REDIC1: variants seen among roughly 807,000 people sequenced by gnomAD.
The protein encoded by REDIC1 is HEI10 Interacting Protein 1.
At chr12:39,767,800 G>C in the REDIC1 span, among the ~76,000 whole-genome samples, 1 of 152,186 alleles carries the variant, frequency 6.6e-6, no homozygotes, top group African/African-American at 2.4e-5. Context: ...GAGTTCTCAT[G>C]AGATCTGAAG....
chr12:39,701,045 C>A, the REDIC1 span, among the ~76,000 whole-genome samples: 3 of 151,706 alleles, frequency 2.0e-5, no homozygotes, highest in Non-Finnish European at 2.9e-5. Context: ...GCAAAATCAC[C>A]AGCTAACATC....
chr12:39,797,135 T>C, the REDIC1 span, among the ~76,000 whole-genome samples: 6 of 152,334 alleles, frequency 3.9e-5, no homozygotes, highest in African/African-American at 1.4e-4. Flanking sequence ...ATTCATTTTG[T>C]TATTTGTAAA....
the REDIC1 span, among the ~76,000 whole-genome samples, chr12:39,822,142 T>A: frequency 6.8e-6 from 1 of 146,742 alleles, no homozygotes; most frequent in Non-Finnish European, 1.5e-5. Context: ...ATTGTTCAAT[T>A]CCCACCTATG....
the REDIC1 span, among the ~76,000 whole-genome samples, chr12:39,843,489 T>C: frequency 6.6e-6 from 1 of 152,068 alleles, no homozygotes; most frequent in Non-Finnish European, 1.5e-5. Flanking sequence ...TTGTGAAAGA[T>C]ATAAATAATG....
chr12:39,690,620 T>A, the REDIC1 span, among the ~76,000 whole-genome samples: 2 of 149,430 alleles, frequency 1.3e-5, no homozygotes, highest in African/African-American at 2.6e-5. Flanking sequence ...ATCAAATTAT[T>A]AAGAAAAAAT....
At chr12:39,714,021 A>T in the REDIC1 span, among the ~76,000 whole-genome samples, 1 of 141,744 alleles carries the variant, frequency 7.1e-6, no homozygotes, top group Non-Finnish European at 1.6e-5. Context: ...ATACGTTTAT[A>T]TAAGTATATA....
chr12:39,694,368 G>C, the REDIC1 span, among the ~76,000 whole-genome samples: 2 of 152,172 alleles, frequency 1.3e-5, no homozygotes, highest in African/African-American at 4.8e-5. Context: ...TTGAGTCACT[G>C]ACGCCACCCT....
chr12:39,700,394 T>A, the REDIC1 span, among the ~76,000 whole-genome samples: 1 of 152,086 alleles, frequency 6.6e-6, no homozygotes, highest in East Asian at 1.9e-4. Context: ...GAAAAAAGAA[T>A]AAAAAGCAAC....
chr12:39,891,180 C>G, the REDIC1 span, among the ~76,000 whole-genome samples: 149 of 149,180 alleles, frequency 1.0e-3, no homozygotes, highest in African/African-American at 3.4e-3. Flanking sequence ...TCTGGGAAAC[C>G]TTCACCAGCT....
the REDIC1 span, among the ~76,000 whole-genome samples, chr12:39,803,238 A>C: frequency 2.6e-5 from 4 of 151,974 alleles, no homozygotes; most frequent in African/African-American, 9.7e-5. Flanking sequence ...TAGAAGGACA[A>C]GCTCTCAACA....
the REDIC1 span, among the ~76,000 whole-genome samples, chr12:39,660,172 T>C: frequency 6.6e-6 from 1 of 152,210 alleles, no homozygotes; most frequent in Non-Finnish European, 1.5e-5. Context: ...TTCACATGCA[T>C]GTGCCGGTTA....
At chr12:39,712,472 A>ATG in the REDIC1 span, among the ~76,000 whole-genome samples, 1 of 142,110 alleles carries the variant, frequency 7.0e-6, no homozygotes, top group African/African-American at 2.6e-5. Context: ...ACGTATGTAT[A>ATG]TATACATACA....
At chr12:39,777,651 T>G in the REDIC1 span, among the ~76,000 whole-genome samples, 3 of 151,796 alleles carry the variant, frequency 2.0e-5, no homozygotes, top group African/African-American at 7.2e-5. Flanking sequence ...GACACACAGG[T>G]GGCTGGATGT....
chr12:39,810,937 T>C, the REDIC1 span, among the ~76,000 whole-genome samples: 1 of 152,144 alleles, frequency 6.6e-6, no homozygotes, highest in African/African-American at 2.4e-5. Flanking sequence ...AAAACCAACC[T>C]TATAAAATGA....
the REDIC1 span, among the ~76,000 whole-genome samples, chr12:39,666,605 C>G: frequency 2.0e-5 from 3 of 152,192 alleles, no homozygotes; most frequent in African/African-American, 4.8e-5. Context: ...AGGATTCCCT[C>G]TTTTTCTACT....
chr12:39,860,202 C>A, the REDIC1 span, among the ~76,000 whole-genome samples: 5 of 152,060 alleles, frequency 3.3e-5, no homozygotes, highest in South Asian at 2.1e-4. Context: ...CTTATTTGGA[C>A]CTCAGTAAGG....
At chr12:39,771,099 G>C in the REDIC1 span, among the ~76,000 whole-genome samples, 1 of 152,106 alleles carries the variant, frequency 6.6e-6, no homozygotes, top group Non-Finnish European at 1.5e-5. Flanking sequence ...TCTTGAATCT[G>C]ACTTTTCTAT....
At chr12:39,633,104 A>AT in the REDIC1 span, among the ~76,000 whole-genome samples, 1 of 151,786 alleles carries the variant, frequency 6.6e-6, no homozygotes, top group Non-Finnish European at 1.5e-5. Flanking sequence ...TATATTTTAA[A>AT]TTTTAGGGTA....
At chr12:39,664,917 G>A in the REDIC1 span, among the ~76,000 whole-genome samples, 9 of 151,834 alleles carry the variant, frequency 5.9e-5, no homozygotes, top group Non-Finnish European at 1.0e-4. Context: ...CCTTTTTGAT[G>A]CGGTTGTTTT....
Sources: allele counts gnomAD v4.1 joint callset (sites outside exome capture counted in the v4.1 genomes callset), GRCh38; gene constraint gnomAD v4.1.1; transcripts MANE v1.5; gene names NCBI Gene and HGNC (gene_info 2026-07-23, HGNC 2026-07-21).